Variants in LRRC4C observed in about 807,000 individuals in gnomAD.
LRRC4C encodes leucine rich repeat containing 4C.
In LRRC4C, 5 loss-of-function variants were observed where a neutral mutation model predicts 33.6. That is an observed-to-expected ratio of 0.15 (90% CI 0.08 to 0.31). LRRC4C has a LOEUF of 0.31. LRRC4C is among the 10% of genes least tolerant of loss of function. The pLI is 1.00. For synonymous variants in LRRC4C, 329 were observed against 302.0 expected (o/e 1.09, Z -0.93); for missense variants, 560 against 796.7 (o/e 0.70, Z 3.58).
intron 1 of LRRC4C, among the ~76,000 whole-genome samples, chr11:40,941,132 C>G (rs1217069039): frequency 2.6e-5 from 4 of 151,746 alleles, no homozygotes; most frequent in Non-Finnish European, 5.9e-5. Context: ...AGAAAAAATT[C>G]AATTAGAAAT....
intron 1 of LRRC4C, among the ~76,000 whole-genome samples, chr11:41,285,556 A>C (rs983832898): frequency 6.6e-6 from 1 of 152,148 alleles, no homozygotes; most frequent in African/African-American, 2.4e-5. Flanking sequence ...AATCATAATA[A>C]AATAGCATGT....
At chr11:40,948,250 T>C (rs1015615809) in intron 1 of LRRC4C, among the ~76,000 whole-genome samples, 1 of 152,202 alleles carries the variant, frequency 6.6e-6, no homozygotes, top group Non-Finnish European at 1.5e-5. Flanking sequence ...TTACCTGGAC[T>C]CATATTCATT....
chr11:40,631,767 T>G (rs1022279865), intron 3 of LRRC4C, among the ~76,000 whole-genome samples: 1 of 152,210 alleles, frequency 6.6e-6, no homozygotes, highest in Admixed American at 6.5e-5. Context: ...ATAGAAGCAT[T>G]TGATCATATT....
rs146538037 is a variant in LRRC4C, at chr11:41,176,068, C to T, written c.-495-242345G>A. ...TACTGCACCTTTAACTGTCCATCTT[C>T]GCCAACTAAAACTAAAAGTCATTAT... On this transcript the variant is annotated intron_variant, in intron 1 of 6. Coordinates refer to ENST00000528697, the MANE Select transcript of LRRC4C (RefSeq NM_001258419.2). Among the ~76,000 whole-genome samples, 56 of 152,158 alleles carry T rather than the reference C, an allele frequency of 3.7e-4. 1 individual carries two copies. The South Asian group carries it at 7.1e-3, about 19-fold the overall frequency.
chr11:41,077,019 A>C (rs182289202), intron 1 of LRRC4C, among the ~76,000 whole-genome samples: 2 of 152,182 alleles, frequency 1.3e-5, no homozygotes, highest in African/African-American at 4.8e-5. Context: ...ATTCCACAAT[A>C]ATCTCCTTTG....
chr11:41,047,158 CCTA>C (rs1446412737), intron 1 of LRRC4C, among the ~76,000 whole-genome samples: 2 of 151,950 alleles, frequency 1.3e-5, no homozygotes, highest in African/African-American at 4.8e-5. Flanking sequence ...AAAACAACCT[CCTA>C]CAACTCAACA....
intron 4 of LRRC4C, among the ~76,000 whole-genome samples, chr11:40,314,033 C>T (rs1440985466): frequency 6.6e-6 from 1 of 151,942 alleles, no homozygotes; most frequent in Non-Finnish European, 1.5e-5. Context: ...AGCTTTTGCA[C>T]AGCCAAGGAA....
intron 2 of LRRC4C, among the ~76,000 whole-genome samples, chr11:40,814,616 CT>C (rs1295164817): frequency 6.6e-6 from 1 of 151,798 alleles, no homozygotes; most frequent in Admixed American, 6.6e-5. Context: ...TGGGTTTTTT[CT>C]TTTCTATTGC....
chr11:40,721,169 A>C (rs1179579776), intron 2 of LRRC4C, among the ~76,000 whole-genome samples: 2 of 152,174 alleles, frequency 1.3e-5, no homozygotes, highest in Non-Finnish European at 2.9e-5. Flanking sequence ...ATCTATTAAA[A>C]TCTAGATCCC....
chr11:40,654,494 G>A (rs1446697650), intron 2 of LRRC4C, among the ~76,000 whole-genome samples: 2 of 152,130 alleles, frequency 1.3e-5, no homozygotes, highest in Non-Finnish European at 2.9e-5. Context: ...GACTTGCATG[G>A]GACCTACAGC....
intron 5 of LRRC4C, among the ~76,000 whole-genome samples, chr11:40,174,416 A>G (rs1860300407): frequency 6.6e-6 from 1 of 152,158 alleles, no homozygotes; most frequent in African/African-American, 2.4e-5. Context: ...ATCCCTATAT[A>G]ACTGATTAGA....
intron 1 of LRRC4C, among the ~76,000 whole-genome samples, chr11:41,329,573 C>A (rs563491280): frequency 6.6e-6 from 1 of 152,292 alleles, no homozygotes; most frequent in Admixed American, 6.5e-5. Context: ...AAATATGTCT[C>A]CCTTTCTTTA....
rs938235657 is a variant in LRRC4C, at chr11:40,198,252, T to C, written c.-96+43267A>G. Among the ~76,000 whole-genome samples the C allele has an allele frequency of 2.6e-5, 4 of 152,208 alleles. No individual in the cohort carries two copies. The South Asian group carries it at 8.3e-4, about 31-fold the overall frequency. Reference sequence around the variant, plus strand: ...AAATACATACAGACACACACCCATGTACTACAACTGTGTACCCACTTATGT... The same window carrying C: ...AAATACATACAGACACACACCCATGCACTACAACTGTGTACCCACTTATGT... On this transcript the variant is annotated intron_variant, in intron 5 of 6. Coordinates refer to ENST00000528697, the MANE Select transcript of LRRC4C (RefSeq NM_001258419.2).
At chr11:40,899,362 C>A (rs548208639) in intron 2 of LRRC4C, among the ~76,000 whole-genome samples, 26 of 152,128 alleles carry the variant, frequency 1.7e-4, no homozygotes, top group Non-Finnish European at 3.4e-4. Context: ...GTACCGTGAC[C>A]CTTCGTGTCC....
chr11:40,645,616 G>A (rs945119937), intron 3 of LRRC4C, among the ~76,000 whole-genome samples: 17 of 151,968 alleles, frequency 1.1e-4, no homozygotes, highest in Middle Eastern at 3.4e-3. Flanking sequence ...AAACCTAATC[G>A]CACTCTTTCC....
chr11:40,838,684 C>T (rs1437962595), intron 2 of LRRC4C, among the ~76,000 whole-genome samples: 1 of 151,452 alleles, frequency 6.6e-6, no homozygotes, highest in Non-Finnish European at 1.5e-5. Context: ...AGTAACTGAC[C>T]CAAACACCCA....
At chr11:40,848,243 G>A (rs574260009) in intron 2 of LRRC4C, among the ~76,000 whole-genome samples, 38 of 152,128 alleles carry the variant, frequency 2.5e-4, no homozygotes, top group African/African-American at 8.2e-4. Flanking sequence ...TGATGTTAGC[G>A]TGTCGATTTT....
At chr11:40,985,390 T>TAAC (rs1341011182) in intron 1 of LRRC4C, among the ~76,000 whole-genome samples, 1 of 152,136 alleles carries the variant, frequency 6.6e-6, no homozygotes, top group Non-Finnish European at 1.5e-5. Context: ...TACCTTATCA[T>TAAC]AACTATGGTA....
Position 40,431,211 on chromosome 11 carries a change from G to A in LRRC4C, c.-269-111490C>T, listed in dbSNP as rs180826517. ...TGGGAGGTTCAGGTGGGTGGATCAC[G>A]AGGTCAGGAGTTCAAGACCAGCCTG... On this transcript the variant is annotated intron_variant, in intron 3 of 6. Transcript: ENST00000528697. Among the ~76,000 whole-genome samples the A allele has an allele frequency of 8.4e-4, 125 of 149,274 alleles. 1 individual carries two copies. The Middle Eastern group carries it at 0.011, about 13-fold the overall frequency.
Sources: allele counts gnomAD v4.1 joint callset (sites outside exome capture counted in the v4.1 genomes callset), GRCh38; gene constraint gnomAD v4.1.1; transcripts MANE v1.5; gene names NCBI Gene and HGNC (gene_info 2026-07-23, HGNC 2026-07-21).